Variants in SUDS3 observed in about 807,000 individuals in gnomAD.
SUDS3 encodes sin3 histone deacetylase corepressor complex component SDS3.
In SUDS3, 23 loss-of-function variants were observed where a neutral mutation model predicts 53.5. That is an observed-to-expected ratio of 0.43 (90% CI 0.31 to 0.61). SUDS3 has a LOEUF of 0.61. Among genes scored for constraint, SUDS3 ranks in the 20% least tolerant of loss-of-function variants. The pLI is 0.10. For synonymous variants in SUDS3, 150 were observed against 148.5 expected (o/e 1.01, Z -0.08); for missense variants, 291 against 405.9 (o/e 0.72, Z 2.43).
At chr12:118,389,610 C>T (rs1488508696) in intron 4 of SUDS3, among the ~76,000 whole-genome samples, 3 of 151,680 alleles carry the variant, frequency 2.0e-5, no homozygotes, top group African/African-American at 4.8e-5. Context: ...CGCTCAGGTT[C>T]AAGTGAGTCT....
intron 3 of SUDS3, among the ~76,000 whole-genome samples, chr12:118,384,939 T>C (rs771718546): frequency 1.9e-4 from 29 of 152,060 alleles, no homozygotes; most frequent in South Asian, 4.1e-4. Flanking sequence ...TCTTGTTTAA[T>C]CTGTTTTCTG....
rs764285851 is a variant in SUDS3 at position 118,416,560 on chromosome 12, G to C, written c.*2127G>C. 6.6e-6 allele frequency: 1 copy of C among 152,170 alleles called. No homozygotes were observed. Among genetic ancestry groups the C allele is most frequent in the Non-Finnish European group, 1.5e-5 (1 of 68,046 alleles). 9.4% of individuals were successfully genotyped at this position (152,170 alleles called of 1,614,324 possible). A position where few individuals can be genotyped will look rare whatever the true frequency, so the allele number is the denominator to read the frequency against. On this transcript the variant is annotated 3_prime_UTR_variant, in exon 12 of 12. Transcript: ENST00000543473. The stretch of plus-strand genomic sequence containing the variant: ...TCCTCACAACTCTTAATTGGGCCTA[G>C]TGAAAATGGGGGCAGGTGAGAAGTC...
At chr12:118,384,632 A>G (rs1186650207) in intron 3 of SUDS3, among the ~76,000 whole-genome samples, 1 of 152,104 alleles carries the variant, frequency 6.6e-6, no homozygotes, top group Non-Finnish European at 1.5e-5. Flanking sequence ...GGAGATCGAG[A>G]CAATCTTGGC....
intron 6 of SUDS3, among the ~76,000 whole-genome samples, chr12:118,398,441 T>G (rs1443342229): frequency 6.6e-6 from 1 of 152,112 alleles, no homozygotes; most frequent in Non-Finnish European, 1.5e-5. Context: ...GAGATTTCTT[T>G]TAGGGAGAAG....
intron 3 of SUDS3, among the ~76,000 whole-genome samples, chr12:118,385,429 T>C (rs2062525): frequency 0.083 from 12,636 of 152,258 alleles, 650 homozygotes; most frequent in Admixed American, 0.13. Flanking sequence ...GTTTCTACTA[T>C]GTGCTTTTAT....
chr12:118,403,629 A>C, intron 10 of SUDS3, 112 bp downstream of exon 10: 2 of 806,982 alleles, frequency 2.5e-6, no homozygotes, highest in Non-Finnish European at 4.0e-6. Context: ...CTTACATAGT[A>C]CTAAAAGTAG....
rs1268137527 is a variant in SUDS3, at chr12:118,380,231, A to G, written c.212A>G (p.Gln71Arg). The change falls in exon 2 of 12, where the codon CAG becomes CGG. Residue 71 changes from glutamine to arginine, a missense_variant and splice_region_variant. Coordinates refer to ENST00000543473, the MANE Select transcript of SUDS3 (RefSeq NM_022491.3). The stretch of plus-strand genomic sequence containing the variant: ...GAAGACTATGTAGAAATGAAGGAAC[A>G]GTGAGTATGATATGCCTATGTCTTT... ...DEEDYVEMKE[Q>R]MYQDKLASLK... 1.2e-6 allele frequency: 2 copies of G among 1,603,566 alleles called. No individual in the cohort carries two copies. The highest frequency in any genetic ancestry group is 1.7e-6 in the Non-Finnish European group (2 of 1,174,728).
At position 118,407,753 on chromosome 12, in the gene SUDS3, C is replaced by T. The variant is rs191942442; in HGVS notation, c.804-3320C>T. Among the ~76,000 whole-genome samples, 1,164 of 148,666 alleles carry T rather than the reference C, an allele frequency of 7.8e-3. 40 individuals are homozygous for T. Among genetic ancestry groups the T allele is most frequent in the Admixed American group, 0.046 (693 of 14,950 alleles). ...TTTTTTTTTGAGACAGAGTCTCGCT[C>T]TGTCGCCCAGGCTGGAGTGCAGTGG... On this transcript the variant is annotated intron_variant, in intron 10 of 11. Transcript: ENST00000543473.
Position 118,388,420 on chromosome 12 carries a change from C to T in SUDS3, c.341-1507C>T, listed in dbSNP as rs555590079. Among the ~76,000 whole-genome samples, 10 of 152,278 alleles carry T rather than the reference C, an allele frequency of 6.6e-5. No individual in the cohort carries two copies. The South Asian group carries it at 2.1e-3, about 32-fold the overall frequency. ...GCACACCCTGGAGAATCTTTGTGGA[C>T]TGTACGCACAGCCCCCTGTCACCCA... On this transcript the variant is annotated intron_variant, in intron 4 of 11. Coordinates refer to ENST00000543473, the MANE Select transcript of SUDS3 (RefSeq NM_022491.3).
chr12:118,403,469 G>C lies in SUDS3; in HGVS notation c.755G>C (p.Arg252Thr). The change falls in exon 10 of 12, where the codon AGG becomes ACG. Residue 252 changes from arginine (R) to threonine (T), a missense_variant. Arg to Thr is a moderately conservative substitution (Grantham distance 71, BLOSUM62 -1). Transcript: ENST00000543473. ...PATPAESPAQ[R>T]FEARIEDGKL... is the part of the protein sequence containing the mutation. ...ACACCCGCGGAATCTCCAGCCCAGA[G>C]GTTCGAAGCTCGGATAGAAGATGGC... The C allele has an allele frequency of 6.2e-7, 1 of 1,613,754 alleles. No individual in the cohort carries two copies. The highest frequency in any genetic ancestry group is 1.1e-5 in the South Asian group (1 of 90,960).
chr12:118,385,453 T>A (rs1006404603), intron 3 of SUDS3, among the ~76,000 whole-genome samples: 1 of 152,154 alleles, frequency 6.6e-6, no homozygotes, highest in Non-Finnish European at 1.5e-5. Context: ...TGGTGAGTGA[T>A]CCACGCCCTT....
chr12:118,384,202 T>C, intron 3 of SUDS3, 135 bp downstream of exon 3: 1 of 799,744 alleles, frequency 1.3e-6, no homozygotes. Flanking sequence ...CAGTACATTT[T>C]GCTATCTTTT....
intron 1 of SUDS3, among the ~76,000 whole-genome samples, chr12:118,377,426 G>A (rs989220404): frequency 6.6e-6 from 1 of 152,104 alleles, no homozygotes; most frequent in African/African-American, 2.4e-5. Flanking sequence ...TGCCCTAGAA[G>A]GCACTTCCTA....
chr12:118,378,684 T>A (rs115264052), intron 1 of SUDS3, among the ~76,000 whole-genome samples: 3,372 of 150,826 alleles, frequency 0.022, 124 homozygotes, highest in African/African-American at 0.077. Flanking sequence ...GTTTATTTTA[T>A]TTTTTTTTGA....
At chr12:118,405,424 C>T (rs1340737359) in intron 10 of SUDS3, among the ~76,000 whole-genome samples, 1 of 152,162 alleles carries the variant, frequency 6.6e-6, no homozygotes, top group African/African-American at 2.4e-5. Context: ...AAGAGATCCA[C>T]AATGTCTGGT....
chr12:118,384,415 A>C (rs950312779), intron 3 of SUDS3, among the ~76,000 whole-genome samples: 2 of 152,198 alleles, frequency 1.3e-5, no homozygotes, highest in Non-Finnish European at 2.9e-5. Context: ...TCTAAACCAA[A>C]TGTTAATGAC....
chr12:118,402,146 A>T, intron 9 of SUDS3, 142 bp downstream of exon 9: 2 of 863,086 alleles, frequency 2.3e-6, no homozygotes, highest in Non-Finnish European at 3.7e-6. Flanking sequence ...ATGAAAACTG[A>T]AGGGGACCTT....
intron 10 of SUDS3, among the ~76,000 whole-genome samples, chr12:118,405,043 G>A (rs952840943): frequency 4.6e-5 from 7 of 152,094 alleles, no homozygotes; most frequent in African/African-American, 1.4e-4. Context: ...GTGTTCTTTG[G>A]CATTCTTCAG....
intron 5 of SUDS3, 61 bp downstream of exon 5, chr12:118,390,007 T>C: frequency 6.3e-7 from 1 of 1,597,904 alleles, no homozygotes; most frequent in Non-Finnish European, 8.6e-7. Flanking sequence ...CTTGCAGTCC[T>C]GATCTGGTGG....
Sources: allele counts gnomAD v4.1 joint callset (sites outside exome capture counted in the v4.1 genomes callset), GRCh38; gene constraint gnomAD v4.1.1; transcripts MANE v1.5; gene names NCBI Gene and HGNC (gene_info 2026-07-23, HGNC 2026-07-21).